Variants in MLPH observed in about 807,000 individuals in gnomAD.
The protein encoded by MLPH is melanophilin.
Under a neutral mutation model 72.1 loss-of-function variants are expected in MLPH, and 51 were observed. That is an observed-to-expected ratio of 0.71 (90% CI 0.56 to 0.89). The LOEUF is 0.89. Ranked by LOEUF, MLPH falls within the 40% of genes least tolerant of loss-of-function variation. The pLI is 0.00. For missense variants in MLPH, 743 were observed against 759.9 expected (o/e 0.98, Z 0.26); for synonymous variants, 301 against 310.1 (o/e 0.97, Z 0.31).
chr2:237,523,626 C>A lies in MLPH; in HGVS notation c.676-1975C>A, dbSNP rs13425823. Reference sequence around the variant, plus strand: ...GGTTTAAGGATAACAGGAAGATGGGCGCAAGATGTATAAGTATTAACGTAT... The same window carrying A: ...GGTTTAAGGATAACAGGAAGATGGGAGCAAGATGTATAAGTATTAACGTAT... On this transcript the variant is annotated intron_variant, in intron 6 of 15. Transcript: ENST00000264605. Among the ~76,000 whole-genome samples the A allele has an allele frequency of 3.1e-4, 47 of 152,056 alleles. No individual in the cohort carries two copies. In the East Asian group the frequency reaches 8.7e-3, roughly 28 times the overall value.
intron 4 of MLPH, among the ~76,000 whole-genome samples, chr2:237,516,309 G>A (rs966607602): frequency 1.3e-5 from 2 of 152,212 alleles, no homozygotes; most frequent in Admixed American, 6.5e-5. Context: ...AGGTCAGTAG[G>A]AGAAAGGAGG....
chr2:237,532,465 C>T (rs80109983), intron 8 of MLPH, among the ~76,000 whole-genome samples: 3,111 of 152,324 alleles, frequency 0.02, 51 homozygotes, highest in South Asian at 0.067. Flanking sequence ...ACGCACCCTC[C>T]GCCCCCTCAC....
intron 2 of MLPH, among the ~76,000 whole-genome samples, chr2:237,509,110 T>C (rs533630049): frequency 2.6e-5 from 4 of 152,288 alleles, no homozygotes; most frequent in Admixed American, 2.6e-4. Flanking sequence ...GCAGATGTCA[T>C]TTGGTCTCCC....
Position 237,541,023 on chromosome 2 carries a change from T to G in MLPH, c.1446+66T>G, listed in dbSNP as rs546140027. 1,138 of 1,541,140 alleles carry G rather than the reference T, an allele frequency of 7.4e-4. 1 individual carries two copies. Among genetic ancestry groups the G allele is most frequent in the Non-Finnish European group, 9.5e-4 (1,081 of 1,138,112 alleles). ...ACAGATGGTGACCACACCCAGGCCT[T>G]GAACATCTGCCAGCTCTAACATCCG... On this transcript the variant is annotated intron_variant, in intron 11 of 15. Transcript: ENST00000264605. This position sits in a 1 kb window ranked among gnomAD's most constrained non-coding sequence, Gnocchi z 5.1.
Position 237,534,591 on chromosome 2 carries a change from G to T in MLPH, c.1048G>T (p.Ala350Ser). The change falls in exon 9 of 16, where the codon GCT becomes TCT. Residue 350 changes from alanine to serine, a missense_variant. Physicochemically the swap from Ala to Ser is moderately conservative, Grantham distance 99. Transcript: ENST00000264605. Reference protein sequence around the residue: ...QIFELNKHISAVECLLTYLEN... With the variant: ...QIFELNKHISSVECLLTYLEN... Reference sequence around the variant, plus strand: ...CTTTGAGCTGAATAAGCATATTTCAGCTGTGGAATGCCTGCTGACCTACCT... The same window carrying T: ...CTTTGAGCTGAATAAGCATATTTCATCTGTGGAATGCCTGCTGACCTACCT... 1 of 1,613,832 alleles carries T rather than the reference G, an allele frequency of 6.2e-7. No individual in the cohort carries two copies. Among genetic ancestry groups the T allele is most frequent in the African/African-American group, 1.3e-5 (1 of 75,010 alleles).
chr2:237,502,847 G>A (rs10193382), intron 2 of MLPH, among the ~76,000 whole-genome samples: 6,932 of 152,140 alleles, frequency 0.046, 512 homozygotes, highest in African/African-American at 0.16. Flanking sequence ...GACCAGGCTC[G>A]GTGACTGATG....
chr2:237,546,908 T>C (rs1287643079), intron 13 of MLPH, among the ~76,000 whole-genome samples: 1 of 151,978 alleles, frequency 6.6e-6, no homozygotes, highest in Non-Finnish European at 1.5e-5. Flanking sequence ...TTGTTGAAAA[T>C]CCAAGAAAGC....
Position 237,542,462 on chromosome 2 carries a change from T to C in MLPH, c.1447-105T>C, listed in dbSNP as rs563404332. Reference sequence around the variant, plus strand: ...TCTTAAGGGAAAACACAAGTAAAATTGGCTCCAGGACTGAGCTGGGGGCAG... The same window carrying C: ...TCTTAAGGGAAAACACAAGTAAAATCGGCTCCAGGACTGAGCTGGGGGCAG... On this transcript the variant is annotated intron_variant, in intron 11 of 15. Coordinates refer to ENST00000264605, the MANE Select transcript of MLPH (RefSeq NM_024101.7). 1.6e-5 allele frequency: 14 copies of C among 878,426 alleles called. No homozygotes were observed. In the East Asian group the frequency reaches 3.2e-4, roughly 20 times the overall value. The allele number at this position is 878,426 out of a possible 1,614,324, so 54.4% of individuals were successfully genotyped here.
At chr2:237,519,532 C>T (rs980815243) in intron 5 of MLPH, among the ~76,000 whole-genome samples, 1 of 152,224 alleles carries the variant, frequency 6.6e-6, no homozygotes, top group Admixed American at 6.5e-5. Context: ...CTCACTCAGC[C>T]ATCGTGCCCC....
chr2:237,550,240 C>T (rs1211936491), intron 14 of MLPH, among the ~76,000 whole-genome samples: 3 of 152,204 alleles, frequency 2.0e-5, no homozygotes, highest in African/African-American at 4.8e-5. Context: ...CGCCTCCCTG[C>T]AACACCTGGC....
At chr2:237,517,713 ATGGATAAG>A (rs2080075504) in intron 4 of MLPH, among the ~76,000 whole-genome samples, 1 of 130,290 alleles carries the variant, frequency 7.7e-6, no homozygotes, top group African/African-American at 2.9e-5. Flanking sequence ...GGATGGATGG[ATGGATAAG>A]TAAGTGGGTG....
chr2:237,523,224 C>G (rs7586786), intron 6 of MLPH, among the ~76,000 whole-genome samples: 2 of 151,980 alleles, frequency 1.3e-5, no homozygotes, highest in East Asian at 3.9e-4. Flanking sequence ...ATATAAACAT[C>G]GTTGTAGGGA....
At chr2:237,538,021 G>A (rs1014727921) in intron 9 of MLPH, among the ~76,000 whole-genome samples, 12 of 152,228 alleles carry the variant, frequency 7.9e-5, no homozygotes, top group East Asian at 1.9e-4. Flanking sequence ...AATGGGCGTC[G>A]TCTTCCTGGC....
In MLPH at chr2:237,540,474, GA is replaced by G; in HGVS notation, c.1235del (p.Lys412ArgfsTer60). On this transcript the variant is annotated frameshift_variant, in exon 10 of 16. Coordinates refer to ENST00000264605, the MANE Select transcript of MLPH (RefSeq NM_024101.7). LOFTEE classifies it high-confidence loss of function. ...GTCCGAGGAGGAGGAAGCCAAGGAC[GA>G]AAAGGCAGAGCCCAACAGGGACAAA... is the stretch of plus-strand genomic sequence containing the variant. ...TSSEEEEAKD[E>X]KAEPNRDKSV... 3.1e-6 allele frequency: 5 copies of G among 1,613,212 alleles called. No homozygotes were observed. Among genetic ancestry groups the G allele is most frequent in the Non-Finnish European group, 4.2e-6 (5 of 1,179,972 alleles).
chr2:237,523,408 T>C (rs565866491), intron 6 of MLPH, among the ~76,000 whole-genome samples: 20 of 152,354 alleles, frequency 1.3e-4, no homozygotes, highest in African/African-American at 4.8e-4. Context: ...CACCAATGTT[T>C]TTAGTTCCCA....
At chr2:237,518,459 T>G in intron 4 of MLPH, 80 bp from the exon 5 acceptor site, 1 of 1,137,696 alleles carries the variant, frequency 8.8e-7, no homozygotes, top group Non-Finnish European at 1.3e-6. Context: ...GATTAGTGGA[T>G]GGATGGGTGG....
rs1401960559 is a variant in MLPH, at chr2:237,540,368, C to T, written c.1125C>T (p.Arg375=). ...GTCAGGGTCTAGGTGCTGGAGTGCG[C>T]ACGGAGGCCGATGTAGAGGAGGAGG... ...PLAKGLGAGV[R]TEADVEEEAL... is the part of the protein sequence containing the mutation. The change falls in exon 10 of 16, where the codon CGC becomes CGT. Residue 375 remains arginine (R), a synonymous_variant. Transcript: ENST00000264605. The T allele has an allele frequency of 6.2e-7, 1 of 1,613,574 alleles. No individual in the cohort carries two copies. The highest frequency in any genetic ancestry group is 8.5e-7 in the Non-Finnish European group (1 of 1,180,036).
At chr2:237,553,115 C>T (rs76135879) in intron 15 of MLPH, 8,063 of 472,484 alleles carry the variant, frequency 0.017, 522 homozygotes, top group African/African-American at 0.14. Flanking sequence ...GTGGCCCCAA[C>T]CAATGTGATC....
In MLPH at chr2:237,505,245, A is replaced by G. The variant is rs143267766; in HGVS notation, c.111-5329A>G. Among the ~76,000 whole-genome samples the G allele has an allele frequency of 2.8e-4, 42 of 152,218 alleles. No homozygotes were observed. The highest frequency in any genetic ancestry group is 9.1e-4 in the African/African-American group (38 of 41,546). Reference sequence around the variant, plus strand: ...GACCGCTGGCTGGTATGTGAAGGGTACTGGCCGGGCACTGAGATACGGATG... The same window carrying G: ...GACCGCTGGCTGGTATGTGAAGGGTGCTGGCCGGGCACTGAGATACGGATG... On this transcript the variant is annotated intron_variant, in intron 2 of 15. Coordinates refer to ENST00000264605, the MANE Select transcript of MLPH (RefSeq NM_024101.7). The surrounding 1 kb of genome is among the most constrained non-coding windows in gnomAD (Gnocchi z 4.5).
Sources: allele counts gnomAD v4.1 joint callset (sites outside exome capture counted in the v4.1 genomes callset), GRCh38; gene constraint gnomAD v4.1.1; non-coding constraint Gnocchi (gnomAD v3.1); transcripts MANE v1.5; gene names NCBI Gene and HGNC (gene_info 2026-07-23, HGNC 2026-07-21).